TRAM1: variants seen among roughly 807,000 people sequenced by gnomAD.
TRAM1 encodes translocating chain-associated membrane protein 1.
In TRAM1, 17 loss-of-function variants were observed where a neutral mutation model predicts 48.7. The observed-to-expected ratio is 0.35, with a 90% CI of 0.24 to 0.52. TRAM1 has a LOEUF of 0.52. Among genes scored for constraint, TRAM1 ranks in the 20% least tolerant of loss-of-function variants. The pLI is 0.94. For synonymous variants in TRAM1, 182 were observed against 154.0 expected, an observed-to-expected ratio of 1.18 and a Z score of -1.34; for missense variants, 351 against 441.5, an observed-to-expected ratio of 0.79 and a Z score of 1.84.
At chr8:70,583,029 T>G (rs1458211799) in intron 10 of TRAM1, 135 bp downstream of exon 10, 1 of 983,556 alleles carries the variant, frequency 1.0e-6, no homozygotes, top group Non-Finnish European at 1.4e-6. Context: ...AAGATTACTT[T>G]GCCTCTAATT....
Position 70,584,756 on chromosome 8 carries a change from A to T in TRAM1, c.747-963T>A, listed in dbSNP as rs557017193. ...AGGACCTCTTCAAGGAGAACTACAA[A>T]CCACTGCTCAATGAAATAAAAGAGG... On this transcript the variant is annotated intron_variant, in intron 8 of 10. Coordinates refer to ENST00000262213, the MANE Select transcript of TRAM1 (RefSeq NM_014294.6). 8.7e-3 allele frequency among the ~76,000 whole-genome samples: 1,318 copies of T among 152,172 alleles called. 5 individuals are homozygous for T. Among genetic ancestry groups the T allele is most frequent in the Non-Finnish European group, 0.015 (1,020 of 67,978 alleles).
intron 6 of TRAM1, among the ~76,000 whole-genome samples, chr8:70,591,176 T>G (rs1039203983): frequency 6.6e-6 from 1 of 152,194 alleles, no homozygotes; most frequent in African/African-American, 2.4e-5. Flanking sequence ...CTCATTACAT[T>G]GCCCAGGCTG....
chr8:70,608,343 G>T lies in TRAM1; in HGVS notation c.-144C>A. On this transcript the variant is annotated 5_prime_UTR_variant, in exon 1 of 11. In the 5' UTR this introduces an upstream ATG that the reference lacks. Coordinates refer to ENST00000262213, the MANE Select transcript of TRAM1 (RefSeq NM_014294.6). ...CTGGGGCTTCACTTCCCATCCCACA[G>T]CCAGTACGCAGCCGCCGGGCCGCCC... The T allele has an allele frequency of 9.7e-7, 1 of 1,031,670 alleles. No individual in the cohort carries two copies. Among genetic ancestry groups the T allele is most frequent in the East Asian group, 3.3e-5 (1 of 30,102 alleles). 63.9% of individuals were successfully genotyped at this position (1,031,670 alleles called of 1,614,324 possible).
At chr8:70,589,498 CA>C in intron 6 of TRAM1, among the ~76,000 whole-genome samples, 1 of 152,242 alleles carries the variant, frequency 6.6e-6, no homozygotes, top group African/African-American at 2.4e-5. Flanking sequence ...TGGTACTGAA[CA>C]AAATGATTGC....
intron 6 of TRAM1, among the ~76,000 whole-genome samples, chr8:70,593,976 A>C (rs776957172): frequency 6.6e-6 from 1 of 152,226 alleles, no homozygotes; most frequent in Non-Finnish European, 1.5e-5. Context: ...TGTTCAAATA[A>C]AACAAACAAA....
At position 70,608,396 on chromosome 8, in the gene TRAM1, G is replaced by C. The variant is rs1443987210; in HGVS notation, c.-197C>G. 4.5e-6 allele frequency: 2 copies of C among 445,716 alleles called. No individual in the cohort carries two copies. Among genetic ancestry groups the C allele is most frequent in the African/African-American group, 2.2e-5 (1 of 46,278 alleles). The allele number at this position is 445,716 out of a possible 1,614,324, so 27.6% of individuals were successfully genotyped here. ...GGGAAAAAAAAAAACACAACAGCTAGCCCGCAGCGGGGGCGAGCATGCGCA... is the reference window on the plus strand; with the variant it reads ...GGGAAAAAAAAAAACACAACAGCTACCCCGCAGCGGGGGCGAGCATGCGCA... On this transcript the variant is annotated 5_prime_UTR_variant, in exon 1 of 11. Coordinates refer to ENST00000262213, the MANE Select transcript of TRAM1 (RefSeq NM_014294.6).
chr8:70,592,484 G>A (rs1225174197), intron 6 of TRAM1, among the ~76,000 whole-genome samples: 1 of 152,178 alleles, frequency 6.6e-6, no homozygotes, highest in African/African-American at 2.4e-5. Context: ...TCATATGCAG[G>A]TGTTAAAAAT....
Position 70,608,140 on chromosome 8 carries a change from C to T in TRAM1, c.60G>A (p.Leu20=). 2.5e-6 allele frequency: 4 copies of T among 1,599,892 alleles called. No homozygotes were observed. Among genetic ancestry groups the T allele is most frequent in the East Asian group, 2.3e-5 (1 of 42,604 alleles). ...AGGAGACGATGTCCGCGTGATTCTG[C>T]AGGACGAATTCGTGGCTCAGCACTG... The part of the protein sequence containing the change: ...SPPVLSHEFV[L]QNHADIVSCV... Residue 20 remains leucine (L), a synonymous_variant, in exon 1 of 11, where the codon CTG becomes CTA. Coordinates refer to ENST00000262213, the MANE Select transcript of TRAM1 (RefSeq NM_014294.6).
intron 1 of TRAM1, chr8:70,607,070 A>G: frequency 1.1e-6 from 1 of 931,478 alleles, no homozygotes; most frequent in Non-Finnish European, 1.3e-6. Flanking sequence ...CAGGAGCAAA[A>G]TAATTTGTAT....
intron 6 of TRAM1, among the ~76,000 whole-genome samples, chr8:70,592,126 C>A (rs377750681): frequency 6.6e-6 from 1 of 152,126 alleles, no homozygotes; most frequent in East Asian, 1.9e-4. Flanking sequence ...TTGGCTATTT[C>A]ATGACTTCCC....
At chr8:70,583,830 C>A in intron 8 of TRAM1, 37 bp from the exon 9 acceptor site, 1 of 1,521,236 alleles carries the variant, frequency 6.6e-7, no homozygotes, top group Non-Finnish European at 8.8e-7. Flanking sequence ...TTCCTGAAAT[C>A]TCAAAAACAA....
Position 70,608,342 on chromosome 8 carries a change from A to G in TRAM1, c.-143T>C. ...GCTGGGGCTTCACTTCCCATCCCAC[A>G]GCCAGTACGCAGCCGCCGGGCCGCC... On this transcript the variant is annotated 5_prime_UTR_variant, in exon 1 of 11. Transcript: ENST00000262213. The G allele has an allele frequency of 1.9e-6, 2 of 1,031,246 alleles. No individual in the cohort carries two copies. Among genetic ancestry groups the G allele is most frequent in the East Asian group, 3.4e-5 (1 of 29,718 alleles). The allele number at this position is 1,031,246 out of a possible 1,614,324, so 63.9% of individuals were successfully genotyped here. A position where few individuals can be genotyped will look rare whatever the true frequency, so the allele number is the denominator to read the frequency against.
At chr8:70,592,943 C>CT (rs1817401221) in intron 6 of TRAM1, among the ~76,000 whole-genome samples, 1 of 152,098 alleles carries the variant, frequency 6.6e-6, no homozygotes, top group Non-Finnish European at 1.5e-5. Flanking sequence ...GTAGATGTGA[C>CT]TAGTAGTTAG....
At position 70,593,355 on chromosome 8, in the gene TRAM1, C is replaced by A. The variant is rs1052739964; in HGVS notation, c.570+1151G>T. Among the ~76,000 whole-genome samples, 5 of 151,154 alleles carry A rather than the reference C, an allele frequency of 3.3e-5. No individual in the cohort carries two copies. In the East Asian group the frequency reaches 9.8e-4, roughly 30 times the overall value. On this transcript the variant is annotated intron_variant, in intron 6 of 10. Coordinates refer to ENST00000262213, the MANE Select transcript of TRAM1 (RefSeq NM_014294.6). ...TGAGTAGGCAAAGATAAACTAGTCACCAGACTGGCTGTCACACTTTCACTC... is the reference window on the plus strand; with the variant it reads ...TGAGTAGGCAAAGATAAACTAGTCAACAGACTGGCTGTCACACTTTCACTC...
At chr8:70,580,244 T>C (rs1234492174) in intron 10 of TRAM1, among the ~76,000 whole-genome samples, 1 of 152,132 alleles carries the variant, frequency 6.6e-6, no homozygotes, top group African/African-American at 2.4e-5. Flanking sequence ...CAGACAACGA[T>C]GTTGCAAGAA....
chr8:70,581,940 G>A (rs1290699959), intron 10 of TRAM1, among the ~76,000 whole-genome samples: 1 of 152,204 alleles, frequency 6.6e-6, no homozygotes, highest in Non-Finnish European at 1.5e-5. Flanking sequence ...AGATTAGAGG[G>A]TGCCGGAGCA....
At chr8:70,590,725 G>T (rs1427209222) in intron 6 of TRAM1, among the ~76,000 whole-genome samples, 1 of 152,140 alleles carries the variant, frequency 6.6e-6, no homozygotes, top group Non-Finnish European at 1.5e-5. Flanking sequence ...CCATCACTAG[G>T]TTCTATCTTC....
chr8:70,596,912 T>C (rs898009920), intron 4 of TRAM1, among the ~76,000 whole-genome samples: 1 of 151,996 alleles, frequency 6.6e-6, no homozygotes, highest in Non-Finnish European at 1.5e-5. Flanking sequence ...TTATGTTTTT[T>C]TAAAAAAATG....
At position 70,607,013 on chromosome 8, in the gene TRAM1, T is replaced by C. The variant is rs1586769588; in HGVS notation, c.123+1064A>G. 5 of 919,858 alleles carry C rather than the reference T, an allele frequency of 5.4e-6. No individual in the cohort carries two copies. In the East Asian group the frequency reaches 5.9e-4, roughly 108 times the overall value. The allele number at this position is 919,858 out of a possible 1,614,324, so 57.0% of individuals were successfully genotyped here. On this transcript the variant is annotated intron_variant, in intron 1 of 10. Transcript: ENST00000262213. ...ACAGACTCGTAAAAATACTCCAAAA[T>C]CTCTACTCTCACTTGTTACATGCAG...
Sources: allele counts gnomAD v4.1 joint callset (sites outside exome capture counted in the v4.1 genomes callset), GRCh38; gene constraint gnomAD v4.1.1; transcripts MANE v1.5; gene names NCBI Gene and HGNC (gene_info 2026-07-23, HGNC 2026-07-21).